RNF24: variants seen among roughly 807,000 people sequenced by gnomAD.
RNF24 encodes the protein ring finger protein 24.
Under a neutral mutation model 20.0 loss-of-function variants are expected in RNF24, and 14 were observed. That is an observed-to-expected ratio of 0.70 (90% confidence interval 0.46 to 1.10). The LOEUF (loss-of-function observed/expected upper bound fraction) is 1.10, where lower values mean the gene tolerates loss of function less well. Ranked by LOEUF, RNF24 falls within the 50% of genes least tolerant of loss-of-function variation. The pLI, the probability that RNF24 is intolerant of heterozygous loss-of-function variation, is 0.00. For missense variants in RNF24, 124 were observed against 177.6 expected, an observed-to-expected ratio of 0.70 and a Z score of 1.71; for synonymous variants, 45 against 61.1, an observed-to-expected ratio of 0.74 and a Z score of 1.23.
chr20:3,978,030 A>G (rs866117418), intron 1 of RNF24, among the ~76,000 whole-genome samples: 7 of 152,146 alleles, frequency 4.6e-5, no homozygotes, highest in South Asian at 4.1e-4. Flanking sequence ...ACTGTAGTTA[A>G]TACTTTGTTG....
intron 1 of RNF24, among the ~76,000 whole-genome samples, chr20:3,968,938 T>C (rs1005444113): frequency 6.6e-6 from 1 of 151,984 alleles, no homozygotes; most frequent in East Asian, 1.9e-4. Context: ...GGAAAGCATA[T>C]AGATTTGAGA....
chr20:3,937,080 G>A (rs1019806837), intron 4 of RNF24, among the ~76,000 whole-genome samples: 8 of 152,038 alleles, frequency 5.3e-5, no homozygotes, highest in Admixed American at 2.6e-4. Context: ...CTTGTGATCC[G>A]CCTGACTCAG....
intron 2 of RNF24, among the ~76,000 whole-genome samples, chr20:3,957,711 A>G (rs927127533): frequency 3.3e-5 from 5 of 152,196 alleles, no homozygotes; most frequent in African/African-American, 1.2e-4. Context: ...ACTTCATTCT[A>G]TGAAGTTAAT....
chr20:3,933,994 A>T lies in RNF24; in HGVS notation c.*69T>A. ...TCCTAGGTAGAGAGCAGCCATACAG[A>T]CACCACATGTGTTCCTCCTGGCTCC... On this transcript the variant is annotated 3_prime_UTR_variant, in exon 6 of 6. Coordinates refer to ENST00000358395, the MANE Select transcript of RNF24 (RefSeq NM_001134337.3). The T allele has an allele frequency of 7.3e-7, 1 of 1,374,294 alleles. No homozygotes were observed. The highest frequency in any genetic ancestry group is 9.5e-7 in the Non-Finnish European group (1 of 1,050,708). The allele number at this position is 1,374,294 out of a possible 1,614,324, so 85.1% of individuals were successfully genotyped here.
At chr20:3,964,211 G>A (rs1470099223) in intron 1 of RNF24, among the ~76,000 whole-genome samples, 187 bp from the exon 2 acceptor site, 1 of 151,984 alleles carries the variant, frequency 6.6e-6, no homozygotes, top group Non-Finnish European at 1.5e-5. Flanking sequence ...TATGTACCTG[G>A]CACTATTTCA....
chr20:3,936,367 A>G (rs60976988), intron 4 of RNF24, among the ~76,000 whole-genome samples: 1 of 152,142 alleles, frequency 6.6e-6, no homozygotes, highest in African/African-American at 2.4e-5. Context: ...TCATCTGTAC[A>G]ATAAGGACAT....
At chr20:3,998,624 C>T (rs1322203545) in intron 1 of RNF24, among the ~76,000 whole-genome samples, 6 of 127,120 alleles carry the variant, frequency 4.7e-5, no homozygotes, top group East Asian at 2.4e-4. Flanking sequence ...GGCGTGGTGG[C>T]GTGTGCCTGT....
At chr20:4,009,374 G>T (rs1399926577) in intron 1 of RNF24, among the ~76,000 whole-genome samples, 9 of 152,176 alleles carry the variant, frequency 5.9e-5, no homozygotes, top group Admixed American at 4.6e-4. Context: ...TAGCCCCCTG[G>T]AGAGTTGCTG....
chr20:3,969,951 A>G (rs1192430367), intron 1 of RNF24, among the ~76,000 whole-genome samples: 1 of 151,946 alleles, frequency 6.6e-6, no homozygotes, highest in Non-Finnish European at 1.5e-5. Flanking sequence ...TTGTATTTTT[A>G]GTAGAGACAG....
At chr20:3,979,676 A>C (rs1979219347) in intron 1 of RNF24, among the ~76,000 whole-genome samples, 2 of 152,130 alleles carry the variant, frequency 1.3e-5, no homozygotes, top group African/African-American at 4.8e-5. Flanking sequence ...ACTCCACCTC[A>C]AAAAAATAAA....
At chr20:3,978,072 ATT>A (rs34517135) in intron 1 of RNF24, among the ~76,000 whole-genome samples, 2 of 144,478 alleles carry the variant, frequency 1.4e-5, no homozygotes, top group Admixed American at 7.0e-5. Flanking sequence ...AAGAAAACTA[ATT>A]TTTTTTTTTT....
intron 1 of RNF24, among the ~76,000 whole-genome samples, chr20:4,013,511 G>T (rs976403843): frequency 6.6e-6 from 1 of 151,888 alleles, no homozygotes; most frequent in African/African-American, 2.4e-5. Flanking sequence ...ACGGAGTTTC[G>T]CTCTTGTTGC....
Position 3,963,851 on chromosome 20 carries a change from TAACATAG to T in RNF24, c.143+17_143+23del, listed in dbSNP as rs1161606994. On this transcript the variant is annotated intron_variant, in intron 2 of 5. Coordinates refer to ENST00000358395, the MANE Select transcript of RNF24 (RefSeq NM_001134337.3). ...ATTGATTATTTAACATATTTTGAAG[TAACATAG>T]AATGAAAATTGGTTACCTAATCAAG... is the stretch of plus-strand genomic sequence containing the variant. The T allele has an allele frequency of 1.1e-5, 16 of 1,512,872 alleles. No individual in the cohort carries two copies. The highest frequency in any genetic ancestry group is 1.4e-5 in the Non-Finnish European group (16 of 1,110,674). 93.7% of individuals were successfully genotyped at this position (1,512,872 alleles called of 1,614,324 possible). A position where few individuals can be genotyped will look rare whatever the true frequency, so the allele number is the denominator to read the frequency against.
intron 2 of RNF24, among the ~76,000 whole-genome samples, chr20:3,957,467 A>G (rs1568628690): frequency 6.9e-6 from 1 of 144,914 alleles, no homozygotes; most frequent in African/African-American, 2.5e-5. Flanking sequence ...CAAAAAAAAA[A>G]AAATAATAAT....
chr20:3,990,009 A>G (rs1167467925), intron 1 of RNF24, among the ~76,000 whole-genome samples: 1 of 152,206 alleles, frequency 6.6e-6, no homozygotes, highest in African/African-American at 2.4e-5. Flanking sequence ...TAAAGCTGAC[A>G]TTTCCCATTA....
chr20:4,005,984 A>G (rs1051226961), intron 1 of RNF24, among the ~76,000 whole-genome samples: 3 of 152,216 alleles, frequency 2.0e-5, no homozygotes, highest in African/African-American at 7.2e-5. Flanking sequence ...GAAGTGAAGA[A>G]CTGTATCTGA....
At chr20:4,007,925 A>G (rs1305613109) in intron 1 of RNF24, among the ~76,000 whole-genome samples, 6 of 151,618 alleles carry the variant, frequency 4.0e-5, no homozygotes, top group Non-Finnish European at 8.8e-5. Context: ...TCTTAAAAAC[A>G]AACACACCCC....
chr20:4,010,344 GC>G (rs1370472602), intron 1 of RNF24, among the ~76,000 whole-genome samples: 1 of 152,182 alleles, frequency 6.6e-6, no homozygotes, highest in Non-Finnish European at 1.5e-5. Flanking sequence ...CTGTACTCCA[GC>G]CTAGGTGACA....
intron 1 of RNF24, among the ~76,000 whole-genome samples, chr20:4,011,694 AGG>A (rs1466139742): frequency 1.2e-3 from 189 of 152,376 alleles, no homozygotes; most frequent in African/African-American, 4.3e-3. Context: ...TATTTAATTC[AGG>A]AGCAACAAAA....
Sources: allele counts gnomAD v4.1 joint callset (sites outside exome capture counted in the v4.1 genomes callset), GRCh38; gene constraint gnomAD v4.1.1; transcripts MANE v1.5; gene names NCBI Gene and HGNC (gene_info 2026-07-23, HGNC 2026-07-21).